The following ABL2 variants were observed in gnomAD, a reference collection of about 807,000 sequenced individuals.
The protein encoded by ABL2 is ABL proto-oncogene 2, non-receptor tyrosine kinase, also known as tyrosine-protein kinase ABL2.
ABL2 carries 49 observed loss-of-function variants against 107.7 expected under a neutral mutation model. The observed-to-expected ratio is 0.45, with a 90% CI of 0.36 to 0.58. The LOEUF is 0.58. Among genes scored for constraint, ABL2 ranks in the 20% least tolerant of loss-of-function variants. The probability of loss-of-function intolerance (pLI) is 0.00; values close to 1 mark genes in which losing one functional copy is unlikely to be tolerated. For synonymous variants in ABL2, 549 were observed against 548.6 expected, an observed-to-expected ratio of 1.00 and a Z score of -0.01; for missense variants, 1,245 against 1,457.0, an observed-to-expected ratio of 0.85 and a Z score of 2.37.
At chr1:179,190,581 C>A (rs181504668) in intron 1 of ABL2, among the ~76,000 whole-genome samples, 4 of 152,010 alleles carry the variant, frequency 2.6e-5, no homozygotes, top group Admixed American at 2.0e-4. Flanking sequence ...GCCTCTCCCC[C>A]CTCCACAGAG....
chr1:179,120,104 G>GAAA, intron 6 of ABL2, 86 bp downstream of exon 6: 1 of 649,730 alleles, frequency 1.5e-6, no homozygotes, highest in Non-Finnish European at 2.4e-6. Context: ...TATTTAAAAA[G>GAAA]AAAAAAAAAA....
At chr1:179,188,788 C>CT (rs1311068551) in intron 1 of ABL2, among the ~76,000 whole-genome samples, 2 of 152,144 alleles carry the variant, frequency 1.3e-5, no homozygotes, top group African/African-American at 4.8e-5. Context: ...TCTAAAATGT[C>CT]TGACTCTAGA....
rs28914511 is a variant in ABL2 at position 179,133,008 on chromosome 1, G to A, written c.220+304C>T. Among the ~76,000 whole-genome samples the A allele has an allele frequency of 1.4e-3, 220 of 151,768 alleles. 1 individual carries two copies. Among genetic ancestry groups the A allele is most frequent in the African/African-American group, 5.1e-3 (210 of 41,368 alleles). Reference sequence around the variant, plus strand: ...CGAGTAGGTGGGATTACAGGTGCACGCCACCAAGCCCAGCTAAATTTTGTA... The same window carrying A: ...CGAGTAGGTGGGATTACAGGTGCACACCACCAAGCCCAGCTAAATTTTGTA... On this transcript the variant is annotated intron_variant, in intron 2 of 11. Transcript: ENST00000502732.
At chr1:179,117,592 TTG>T (rs1557918793) in intron 7 of ABL2, 76 bp from the exon 8 acceptor site, 4 of 1,497,730 alleles carry the variant, frequency 2.7e-6, no homozygotes, top group Non-Finnish European at 3.7e-6. Context: ...ATTCTTGGTT[TTG>T]TGTTATAGGC....
Position 179,143,919 on chromosome 1 carries a change from A to G in ABL2, c.158-10545T>C, listed in dbSNP as rs527773144. Among the ~76,000 whole-genome samples the G allele has an allele frequency of 3.3e-5, 5 of 151,772 alleles. No individual in the cohort carries two copies. In the South Asian group the frequency reaches 1.0e-3, roughly 32 times the overall value. On this transcript the variant is annotated intron_variant, in intron 1 of 11. Coordinates refer to ENST00000502732, the MANE Select transcript of ABL2 (RefSeq NM_007314.4). ...CACTATGTTGGCCAGGCTGGTCTCA[A>G]ACTCCTGACCTCGTGATCCACCTGC...
chr1:179,196,007 A>T (rs552718638), intron 1 of ABL2, among the ~76,000 whole-genome samples: 3 of 152,360 alleles, frequency 2.0e-5, no homozygotes, highest in Admixed American at 1.3e-4. Flanking sequence ...ACACAACAGT[A>T]TGAAAAGAGC....
At chr1:179,208,091 G>A (rs1439389093) in intron 1 of ABL2, among the ~76,000 whole-genome samples, 3 of 151,984 alleles carry the variant, frequency 2.0e-5, no homozygotes, top group Non-Finnish European at 4.4e-5. Context: ...ACGAAGACTA[G>A]CCTAAAAATA....
At chr1:179,225,667 C>T (rs1452375805) in intron 1 of ABL2, among the ~76,000 whole-genome samples, 1 of 152,098 alleles carries the variant, frequency 6.6e-6, no homozygotes, top group Admixed American at 6.6e-5. Context: ...AGGGATGCTG[C>T]TAAACATCCT....
In ABL2 at chr1:179,153,661, A is replaced by G. The variant is rs552427450; in HGVS notation, c.158-20287T>C. 2.0e-5 allele frequency among the ~76,000 whole-genome samples: 3 copies of G among 152,248 alleles called. No homozygotes were observed. The East Asian group carries it at 5.8e-4, about 29-fold the overall frequency. ...GGATAAGCTCCCCATCACATGTATA[A>G]AGACCAAAAATTCCCCCCACCTGCA... On this transcript the variant is annotated intron_variant, in intron 1 of 11. Coordinates refer to ENST00000502732, the MANE Select transcript of ABL2 (RefSeq NM_007314.4).
chr1:179,132,534 T>G (rs752151630), intron 2 of ABL2, among the ~76,000 whole-genome samples: 5 of 151,748 alleles, frequency 3.3e-5, no homozygotes, highest in African/African-American at 4.8e-5. Context: ...TGATTATTAT[T>G]ATTATTATCA....
intron 1 of ABL2, among the ~76,000 whole-genome samples, chr1:179,149,332 G>T (rs987113202): frequency 2.0e-5 from 3 of 152,202 alleles, no homozygotes; most frequent in Non-Finnish European, 4.4e-5. Flanking sequence ...AGGTAGCAGA[G>T]GTTGGTTCAT....
intron 1 of ABL2, chr1:179,201,613 T>G: frequency 2.3e-6 from 1 of 425,674 alleles, no homozygotes; most frequent in Non-Finnish European, 4.4e-6. Flanking sequence ...CTGCCTTCCT[T>G]GGCTGCCTAC....
chr1:179,129,432 C>G (rs1360149417), intron 3 of ABL2, among the ~76,000 whole-genome samples: 1 of 152,174 alleles, frequency 6.6e-6, no homozygotes, highest in African/African-American at 2.4e-5. Flanking sequence ...GCCTGTAACC[C>G]CAGCACTTTG....
At chr1:179,197,586 A>G (rs1399922154) in intron 1 of ABL2, among the ~76,000 whole-genome samples, 2 of 151,354 alleles carry the variant, frequency 1.3e-5, no homozygotes, top group Non-Finnish European at 3.0e-5. Flanking sequence ...TAAAAAAAAA[A>G]GGCCGGGTGA....
chr1:179,159,547 C>T (rs1024108274), intron 1 of ABL2, among the ~76,000 whole-genome samples: 5 of 152,158 alleles, frequency 3.3e-5, no homozygotes, highest in African/African-American at 1.2e-4. Context: ...AATATGGTAG[C>T]CTGTCACTTC....
chr1:179,173,524 G>C (rs996517936), intron 1 of ABL2, among the ~76,000 whole-genome samples: 2 of 119,640 alleles, frequency 1.7e-5, no homozygotes, highest in African/African-American at 7.4e-5. Flanking sequence ...CGCCACGCCT[G>C]TATTTTTGGT....
intron 1 of ABL2, among the ~76,000 whole-genome samples, chr1:179,197,758 A>G (rs1192019944): frequency 6.6e-6 from 1 of 151,802 alleles, no homozygotes; most frequent in African/African-American, 2.4e-5. Context: ...AGTCCCAGCT[A>G]ATCGGGAGGC....
In ABL2 at chr1:179,103,921, T is replaced by G. The variant is rs1653305498; in HGVS notation, c.*3797A>C. On this transcript the variant is annotated 3_prime_UTR_variant, in exon 12 of 12. Transcript: ENST00000502732. The stretch of plus-strand genomic sequence containing the variant: ...TCTATAAACCAAAGGGTTGGGGTAC[T>G]GATAGTTTTCAGATAGCACTGGGTG... 1 of 232,936 alleles carries G rather than the reference T, an allele frequency of 4.3e-6. No individual in the cohort carries two copies. Among genetic ancestry groups the G allele is most frequent in the African/African-American group, 2.2e-5 (1 of 45,318 alleles). The allele number at this position is 232,936 out of a possible 1,614,324, so 14.4% of individuals were successfully genotyped here.
intron 1 of ABL2, among the ~76,000 whole-genome samples, chr1:179,133,783 C>T (rs1391579002): frequency 6.6e-6 from 1 of 152,094 alleles, no homozygotes; most frequent in Non-Finnish European, 1.5e-5. Flanking sequence ...ACATACATAA[C>T]CATGATACAA....
Sources: gnomAD v4.1 joint callset for allele counts (sites outside exome capture counted in the v4.1 genomes callset) on GRCh38, gnomAD v4.1.1 for gene constraint, MANE v1.5 for transcripts, NCBI Gene and HGNC (gene_info 2026-07-23, HGNC 2026-07-21) for gene names.